The following DDAH1 variants were observed in gnomAD, a reference collection of about 807,000 sequenced individuals.
The protein encoded by DDAH1 is N(G),N(G)-dimethylarginine dimethylaminohydrolase 1.
DDAH1 carries 19 observed loss-of-function variants against 28.8 expected under a neutral mutation model. The observed-to-expected ratio is 0.66, with a 90% confidence interval of 0.46 to 0.97. The LOEUF is 0.97. DDAH1 is among the 50% of genes least tolerant of loss of function. The pLI is 0.00. For synonymous variants in DDAH1, 153 were observed against 154.4 expected, an observed-to-expected ratio of 0.99 and a Z score of 0.07; for missense variants, 326 against 375.9, an observed-to-expected ratio of 0.87 and a Z score of 1.10.
chr1:85,547,971 G>A (rs545612818), intron 1 of DDAH1, among the ~76,000 whole-genome samples: 3 of 152,258 alleles, frequency 2.0e-5, no homozygotes, highest in African/African-American at 7.2e-5. Flanking sequence ...GTTGACACAG[G>A]CCATTCGTTC....
rs557714627 is a variant in DDAH1, at chr1:85,525,693, C to T, written c.-122-29412G>A. 1.3e-4 allele frequency among the ~76,000 whole-genome samples: 20 copies of T among 152,026 alleles called. No individual in the cohort carries two copies. The East Asian group carries it at 3.3e-3, about 25-fold the overall frequency. ...AGGACACATAGCTTCTGAGTGATGG[C>T]GTAACAAGTTGCTATTTATACCCCA... On this transcript the variant is annotated intron_variant, in intron 1 of 6. Coordinates refer to the DDAH1 transcript ENST00000426972.
At chr1:85,411,224 G>T (rs1291846058) in intron 1 of DDAH1, among the ~76,000 whole-genome samples, 6 of 152,254 alleles carry the variant, frequency 3.9e-5, no homozygotes. Context: ...CAGTGAGGCA[G>T]GAGTCTAAGA....
intron 2 of DDAH1, among the ~76,000 whole-genome samples, chr1:85,356,535 T>A (rs1487441380): frequency 6.6e-6 from 1 of 152,176 alleles, no homozygotes; most frequent in Non-Finnish European, 1.5e-5. Flanking sequence ...TGGTTAAAAT[T>A]GCAAATGTTA....
At chr1:85,519,961 T>C (rs1161953293) in intron 1 of DDAH1, among the ~76,000 whole-genome samples, 6 of 139,560 alleles carry the variant, frequency 4.3e-5, no homozygotes, top group Non-Finnish European at 9.5e-5. Context: ...TGTTTCATTC[T>C]TTTTTTTCCC....
intron 3 of DDAH1, among the ~76,000 whole-genome samples, chr1:85,350,922 A>G (rs890695176): frequency 3.0e-4 from 45 of 152,152 alleles, no homozygotes; most frequent in Admixed American, 1.3e-4. Context: ...TAATCAATAG[A>G]GTAAAGGGAC....
intron 1 of DDAH1, among the ~76,000 whole-genome samples, chr1:85,388,081 C>A (rs539096739): frequency 6.6e-6 from 1 of 152,152 alleles, no homozygotes; most frequent in Non-Finnish European, 1.5e-5. Flanking sequence ...CCCCCATGAC[C>A]CAAACACCTC....
rs754166289 is a variant in DDAH1, at chr1:85,465,011, C to G, written c.35G>C (p.Arg12Pro). 3.5e-5 allele frequency: 47 copies of G among 1,340,828 alleles called. No homozygotes were observed. The highest frequency in any genetic ancestry group is 1.5e-4 in the South Asian group (8 of 52,048). 83.1% of individuals were successfully genotyped at this position (1,340,828 alleles called of 1,614,324 possible). The change falls in exon 1 of 6, where the codon CGG (arginine) becomes CCG (proline). Residue 12 changes from arginine to proline, a missense_variant. Physicochemically the swap from Arg to Pro is moderately radical, Grantham distance 103. Transcript: ENST00000284031. ...AGLGHPAAFG[R>P]ATHAVVRALP... is the part of the protein sequence containing the mutation. The stretch of plus-strand genomic sequence containing the variant: ...CGCCCGCACCACGGCGTGGGTGGCC[C>G]GGCCGAAGGCGGCGGGGTGGCCGAG...
At chr1:85,570,149 G>C (rs531605866) in intron 1 of DDAH1, among the ~76,000 whole-genome samples, 4 of 152,060 alleles carry the variant, frequency 2.6e-5, no homozygotes, top group Admixed American at 6.5e-5. Flanking sequence ...CTGAGACCCC[G>C]TGAGATTAGG....
At chr1:85,383,886 A>C (rs1651121960) in intron 1 of DDAH1, among the ~76,000 whole-genome samples, 1 of 152,232 alleles carries the variant, frequency 6.6e-6, no homozygotes, top group Non-Finnish European at 1.5e-5. Flanking sequence ...GCCATTCCAC[A>C]ATTAATAGAC....
intron 1 of DDAH1, chr1:85,380,672 G>A (rs565179706): frequency 6.6e-6 from 1 of 152,094 alleles, no homozygotes; most frequent in Admixed American, 6.6e-5. Context: ...GAAAACCAAG[G>A]GTATTCTTTT....
chr1:85,476,348 A>T (rs868224343), intron 2 of DDAH1, among the ~76,000 whole-genome samples: 1 of 152,326 alleles, frequency 6.6e-6, no homozygotes, highest in African/African-American at 2.4e-5. Flanking sequence ...TTGGACCATG[A>T]TTTGTGGATT....
At chr1:85,445,827 C>T (rs542597760) in intron 1 of DDAH1, among the ~76,000 whole-genome samples, 1 of 152,246 alleles carries the variant, frequency 6.6e-6, no homozygotes, top group African/African-American at 2.4e-5. Flanking sequence ...TCTCAATCAC[C>T]TGGCCTCAAG....
At chr1:85,524,068 A>C (rs1307234444) in intron 1 of DDAH1, among the ~76,000 whole-genome samples, 2 of 151,888 alleles carry the variant, frequency 1.3e-5, no homozygotes, top group African/African-American at 4.8e-5. Flanking sequence ...CACATTTACC[A>C]AGTACTTTTT....
At chr1:85,420,792 G>A (rs1013471165) in intron 1 of DDAH1, among the ~76,000 whole-genome samples, 1 of 152,114 alleles carries the variant, frequency 6.6e-6, no homozygotes, top group Non-Finnish European at 1.5e-5. Flanking sequence ...ATTTTCAAGT[G>A]TCTTTATAGC....
chr1:85,362,029 A>C (rs1251362067), intron 1 of DDAH1, among the ~76,000 whole-genome samples: 3 of 152,218 alleles, frequency 2.0e-5, no homozygotes, highest in African/African-American at 7.2e-5. Context: ...CAAGAAAACA[A>C]CTGTTGTTTT....
intron 4 of DDAH1, among the ~76,000 whole-genome samples, chr1:85,326,229 T>C (rs1193358909): frequency 1.7e-4 from 26 of 152,162 alleles, no homozygotes; most frequent in Admixed American, 1.6e-3. Flanking sequence ...AATCCCATAA[T>C]GGAATACCCT....
At chr1:85,324,525 T>C (rs1413698650) in intron 5 of DDAH1, among the ~76,000 whole-genome samples, 2 of 152,250 alleles carry the variant, frequency 1.3e-5, no homozygotes, top group East Asian at 1.9e-4. Flanking sequence ...ATACCCGGCA[T>C]GATCATCTCA....
intron 1 of DDAH1, among the ~76,000 whole-genome samples, chr1:85,553,434 A>G (rs1254866713): frequency 6.6e-6 from 1 of 152,230 alleles, no homozygotes; most frequent in Non-Finnish European, 1.5e-5. Context: ...TCAAGATTAA[A>G]ACTTTTGGGA....
intron 1 of DDAH1, among the ~76,000 whole-genome samples, chr1:85,364,949 T>C (rs4949890): frequency 0.29 from 43,913 of 152,080 alleles, 7,250 homozygotes; most frequent in South Asian, 0.4. Context: ...AATAAAAACA[T>C]ATTGGGATCC....
Sources: allele counts gnomAD v4.1 joint callset (sites outside exome capture counted in the v4.1 genomes callset), GRCh38; gene constraint gnomAD v4.1.1; transcripts MANE v1.5; gene names NCBI Gene and HGNC (gene_info 2026-07-23, HGNC 2026-07-21).